USP35: variants seen among roughly 807,000 people sequenced by gnomAD.
The protein encoded by USP35 is ubiquitin carboxyl-terminal hydrolase 35.
USP35 carries 69 observed loss-of-function variants against 83.8 expected under a neutral mutation model. The observed-to-expected ratio is 0.82, with a 90% CI of 0.68 to 1.01. USP35 has a LOEUF of 1.01. USP35 is among the 50% of genes least tolerant of loss of function. USP35 has a pLI of 0.00. For synonymous variants in USP35, 714 were observed against 589.5 expected, an observed-to-expected ratio of 1.21 and a Z score of -3.06; for missense variants, 1,503 against 1,362.5, an observed-to-expected ratio of 1.10 and a Z score of -1.62.
the USP35 span, chr11:78,220,406 C>T: frequency 1.5e-4 from 239 of 1,596,670 alleles, no homozygotes; most frequent in African/African-American, 2.7e-3. Flanking sequence ...CAGGACTGTT[C>T]GTGCCACTGG....
At chr11:78,227,542 C>T in the USP35 span, among the ~76,000 whole-genome samples, 1 of 150,500 alleles carries the variant, frequency 6.6e-6, no homozygotes, top group Admixed American at 6.7e-5. Context: ...TGACTGTAAT[C>T]CCTGCACTTT....
chr11:78,218,462 G>A (rs1864255420), downstream of USP35: 1 of 152,492 alleles, frequency 6.6e-6, no homozygotes, highest in Non-Finnish European at 1.5e-5. Context: ...GTGGCCTGTA[G>A]CTCCAGAGTT....
intron 1 of USP35, among the ~76,000 whole-genome samples, chr11:78,190,582 G>T (rs1862974670): frequency 6.6e-6 from 1 of 152,220 alleles, no homozygotes; most frequent in Admixed American, 6.5e-5. Flanking sequence ...CTCAGAGACG[G>T]GGATTGGACC....
the USP35 span, among the ~76,000 whole-genome samples, chr11:78,236,989 GAT>G: frequency 6.6e-6 from 1 of 152,218 alleles, no homozygotes; most frequent in East Asian, 1.9e-4. Flanking sequence ...ATTCATGGGG[GAT>G]ATTCTCTGTA....
At chr11:78,220,543 C>G in the USP35 span, 1 of 1,038,104 alleles carries the variant, frequency 9.6e-7, no homozygotes, top group Non-Finnish European at 1.4e-6. Context: ...TTTCCCTGAG[C>G]CCTACTCTGA....
chr11:78,205,580 A>ATT (rs879620327), intron 6 of USP35, among the ~76,000 whole-genome samples: 1 of 149,718 alleles, frequency 6.7e-6, no homozygotes. Context: ...CTGAATCTTC[A>ATT]TTTTTTTTTT....
rs1863944852 is a variant in USP35 at position 78,214,105 on chromosome 11, C to CCATGCGGGAAGATCTGATGATGT, written c.*293_*315dup. The CCATGCGGGAAGATCTGATGATGT allele has an allele frequency of 1.2e-5, 4 of 322,676 alleles. No individual in the cohort carries two copies. In the South Asian group the frequency reaches 2.5e-4, roughly 20 times the overall value. The allele number at this position is 322,676 out of a possible 1,614,324, so 20.0% of individuals were successfully genotyped here. ...TCCCCCTCCTTCCCTAGCAGGCTCC[C>CCATGCGGGAAGATCTGATGATGT]CATGCGGGAAGATCTGATGATGTTC... On this transcript the variant is annotated 3_prime_UTR_variant, in exon 11 of 11. Transcript: ENST00000529308.
rs761345427 is a variant in USP35 at position 78,200,663 on chromosome 11, TC to T, written c.1059del (p.Met354TrpfsTer119). 6.6e-5 allele frequency: 107 copies of T among 1,609,470 alleles called. No individual in the cohort carries two copies. The highest frequency in any genetic ancestry group is 8.5e-5 in the Non-Finnish European group (100 of 1,177,658). On this transcript the variant is annotated frameshift_variant, in exon 6 of 11. Transcript: ENST00000529308. LOFTEE classifies it high-confidence loss of function. Reference sequence around the variant, plus strand: ...CTGCTCCCACAGCTCCTCCCTCACATCCCCCCCATGGTGGCCTCTCTGGTCA... The same window carrying T: ...CTGCTCCCACAGCTCCTCCCTCACATCCCCCCATGGTGGCCTCTCTGGTCA... The part of the protein sequence containing the change: ...HEAFHLLLPH[I>X]PPMVASLVKE...
intron 6 of USP35, among the ~76,000 whole-genome samples, chr11:78,204,710 A>G (rs1020765749): frequency 5.9e-5 from 9 of 152,240 alleles, no homozygotes; most frequent in Non-Finnish European, 1.3e-4. Flanking sequence ...AGAAGGGACG[A>G]AGAAGATACT....
In USP35 at chr11:78,213,861, G is replaced by C. The variant is rs778205998; in HGVS notation, c.*48G>C. On this transcript the variant is annotated 3_prime_UTR_variant, in exon 11 of 11. Coordinates refer to ENST00000529308, the MANE Select transcript of USP35 (RefSeq NM_020798.4). Reference sequence around the variant, plus strand: ...CCCCTTCCCTCCAGGAGCCAGGTAGGGCCTGAGGGAAGCTGTGGAGGCAGG... The same window carrying C: ...CCCCTTCCCTCCAGGAGCCAGGTAGCGCCTGAGGGAAGCTGTGGAGGCAGG... 6.6e-7 allele frequency: 1 copy of C among 1,525,492 alleles called. No individual in the cohort carries two copies. Among genetic ancestry groups the C allele is most frequent in the Admixed American group, 2.6e-5 (1 of 39,074 alleles). 94.5% of individuals were successfully genotyped at this position (1,525,492 alleles called of 1,614,324 possible). A position where few individuals can be genotyped will look rare whatever the true frequency, so the allele number is the denominator to read the frequency against.
At chr11:78,212,920 G>A (rs899414365) in intron 10 of USP35, among the ~76,000 whole-genome samples, 1 of 152,074 alleles carries the variant, frequency 6.6e-6, no homozygotes, top group African/African-American at 2.4e-5. Flanking sequence ...GGTGTGGGGG[G>A]AGGGGGTCCC....
chr11:78,228,832 G>T, the USP35 span, among the ~76,000 whole-genome samples: 1 of 152,112 alleles, frequency 6.6e-6, no homozygotes, highest in Non-Finnish European at 1.5e-5. Context: ...GAAGAGGACG[G>T]GGGTGGCGGG....
the USP35 span, among the ~76,000 whole-genome samples, chr11:78,220,977 C>T: frequency 5.3e-5 from 8 of 152,236 alleles, no homozygotes; most frequent in Non-Finnish European, 7.3e-5. Context: ...CTTGCTCCCC[C>T]GCCTAGCTCC....
At chr11:78,207,651 T>C in intron 8 of USP35, 28 bp downstream of exon 8, 2 of 1,608,004 alleles carry the variant, frequency 1.2e-6, no homozygotes, top group Non-Finnish European at 8.5e-7. Flanking sequence ...CAGAGGGGGG[T>C]GGAGAGGCAG....
At position 78,196,432 on chromosome 11, in the gene USP35, C is replaced by A; in HGVS notation, c.187C>A (p.Gln63Lys). The A allele has an allele frequency of 7.8e-7, 1 of 1,285,644 alleles. No homozygotes were observed. Among genetic ancestry groups the A allele is most frequent in the Non-Finnish European group, 9.8e-7 (1 of 1,018,204 alleles). 79.6% of individuals were successfully genotyped at this position (1,285,644 alleles called of 1,614,324 possible). Reference protein sequence around the residue: ...AEELPRRVGCQLLHVAGRHHP... With the variant: ...AEELPRRVGCKLLHVAGRHHP... ...GGAGCTGCCGCGCCGCGTGGGCTGC[C>A]AGCTGCTGCACGTGGCCGGCCGCCA... is the stretch of plus-strand genomic sequence containing the variant. Residue 63 changes from glutamine to lysine, a missense_variant, in exon 2 of 11, where the codon CAG (glutamine) becomes AAG (lysine). Gln to Lys is a moderately conservative substitution (Grantham distance 53, BLOSUM62 1). Coordinates refer to ENST00000529308, the MANE Select transcript of USP35 (RefSeq NM_020798.4). This position sits in a 1 kb window ranked among gnomAD's most constrained non-coding sequence, Gnocchi z 4.8.
At chr11:78,220,278 C>G in the USP35 span, 2 of 1,609,476 alleles carry the variant, frequency 1.2e-6, no homozygotes, top group Admixed American at 3.3e-5. Flanking sequence ...CCTCCGGGAC[C>G]CTGAGAGCTC....
Position 78,189,065 on chromosome 11 carries a change from A to G in USP35, c.-103A>G. ...GGCGTCCCCACCCTGGGGGGAGCAG[A>G]GGACCAGCCCTGACCTAGCCGGGCC... On this transcript the variant is annotated 5_prime_UTR_variant, in exon 1 of 11. Transcript: ENST00000529308. 1.5e-6 allele frequency: 1 copy of G among 684,782 alleles called. No homozygotes were observed. 42.4% of individuals were successfully genotyped at this position (684,782 alleles called of 1,614,324 possible).
intron 1 of USP35, among the ~76,000 whole-genome samples, chr11:78,195,456 G>A (rs1863115624): frequency 6.6e-6 from 1 of 152,182 alleles, no homozygotes; most frequent in African/African-American, 2.4e-5. Flanking sequence ...AAGAAAGAGT[G>A]CGAGGCATTC....
intron 8 of USP35, 48 bp from the exon 9 acceptor site, chr11:78,208,809 T>TG: frequency 6.2e-7 from 1 of 1,603,336 alleles, no homozygotes; most frequent in Non-Finnish European, 8.5e-7. Context: ...AGCTGGCTGG[T>TG]GAGTGGCCTC....
Sources: gnomAD v4.1 joint callset for allele counts (sites outside exome capture counted in the v4.1 genomes callset) on GRCh38, gnomAD v4.1.1 for gene constraint, Gnocchi (gnomAD v3.1) non-coding constraint, MANE v1.5 for transcripts, NCBI Gene and HGNC (gene_info 2026-07-23, HGNC 2026-07-21) for gene names.